The following CCR3 variants were observed in gnomAD, a reference collection of about 807,000 sequenced individuals.
The protein encoded by CCR3 is C-C chemokine receptor type 3.
For synonymous variants in CCR3, 203 were observed against 179.2 expected (o/e 1.13, Z -1.06); for missense variants, 419 against 437.5 (o/e 0.96, Z 0.38).
intron 1 of CCR3, among the ~76,000 whole-genome samples, chr3:46,242,788 A>G (rs1700106752): frequency 6.6e-6 from 1 of 151,376 alleles, no homozygotes; most frequent in African/African-American, 2.4e-5. Context: ...CACTCACCCA[A>G]ACTTGGCCCT....
At chr3:46,244,377 C>T (rs993046657) in intron 1 of CCR3, among the ~76,000 whole-genome samples, 1 of 152,110 alleles carries the variant, frequency 6.6e-6, no homozygotes, top group Admixed American at 6.5e-5. Context: ...ATCTTTCATG[C>T]GCGTCCGTGT....
intron 2 of CCR3, among the ~76,000 whole-genome samples, chr3:46,219,808 T>A (rs1699814513): frequency 6.6e-6 from 1 of 152,158 alleles, no homozygotes; most frequent in African/African-American, 2.4e-5. Context: ...TGAAACTGAA[T>A]CCTCATCTCT....
intron 2 of CCR3, chr3:46,211,021 C>T (rs1351869451): frequency 6.6e-6 from 1 of 152,072 alleles, no homozygotes; most frequent in Non-Finnish European, 1.5e-5. Context: ...AGGGTGCAGC[C>T]TGGGCATTGG....
At chr3:46,225,200 G>C (rs1229246733) in intron 2 of CCR3, among the ~76,000 whole-genome samples, 1 of 152,160 alleles carries the variant, frequency 6.6e-6, no homozygotes, top group African/African-American at 2.4e-5. Context: ...AAATAGACAT[G>C]ACCTCTATGG....
intron 2 of CCR3, among the ~76,000 whole-genome samples, chr3:46,222,194 AC>A (rs756593432): frequency 1.3e-5 from 2 of 152,008 alleles, no homozygotes; most frequent in African/African-American, 2.4e-5. Flanking sequence ...ATGCCACACC[AC>A]CAATCCATAT....
intron 2 of CCR3, among the ~76,000 whole-genome samples, chr3:46,237,361 C>T (rs1700035977): frequency 6.6e-6 from 1 of 152,148 alleles, no homozygotes; most frequent in Non-Finnish European, 1.5e-5. Context: ...GAATGGTTTG[C>T]ATAGATTTCT....
At chr3:46,236,798 C>T (rs1274575207) in intron 2 of CCR3, among the ~76,000 whole-genome samples, 3 of 152,170 alleles carry the variant, frequency 2.0e-5, no homozygotes, top group African/African-American at 7.2e-5. Flanking sequence ...GAGTCTGTAC[C>T]TTATCTAAGA....
At chr3:46,232,877 G>T (rs1245415468) in intron 2 of CCR3, among the ~76,000 whole-genome samples, 1 of 152,230 alleles carries the variant, frequency 6.6e-6, no homozygotes, top group Non-Finnish European at 1.5e-5. Context: ...CTGTTGCCCA[G>T]GCTGGAGTGC....
At chr3:46,228,993 T>C (rs1699933088) in intron 2 of CCR3, among the ~76,000 whole-genome samples, 2 of 152,254 alleles carry the variant, frequency 1.3e-5, no homozygotes, top group African/African-American at 4.8e-5. Context: ...TTCCTCTTTC[T>C]AGCTTTTCCT....
intron 2 of CCR3, among the ~76,000 whole-genome samples, chr3:46,230,977 T>C (rs1178005181): frequency 5.9e-5 from 9 of 152,210 alleles, no homozygotes; most frequent in Admixed American, 1.3e-4. Context: ...CAGGCTGGAG[T>C]GCAGTGGCGC....
intron 2 of CCR3, among the ~76,000 whole-genome samples, chr3:46,235,424 T>C (rs1403857715): frequency 1.3e-5 from 2 of 152,228 alleles, no homozygotes; most frequent in Non-Finnish European, 2.9e-5. Context: ...GCACTTCTCA[T>C]AGGCTAGCTC....
intron 2 of CCR3, among the ~76,000 whole-genome samples, chr3:46,215,773 G>A (rs754358134): frequency 5.9e-5 from 9 of 152,232 alleles, no homozygotes; most frequent in Non-Finnish European, 1.2e-4. Flanking sequence ...GAGGGCTGGA[G>A]ATGAATGAAT....
chr3:46,243,002 T>TATACACATATATATATATATATATATAC lies in CCR3; in HGVS notation c.-12+465_-12+466insTACACATATATATATATATATATATACA, dbSNP rs56773457. 1.3e-3 allele frequency among the ~76,000 whole-genome samples: 163 copies of TATACACATATATATATATATATATATAC among 123,726 alleles called. 6 individuals carry two copies. Among genetic ancestry groups the TATACACATATATATATATATATATATAC allele is most frequent in the East Asian group, 6.5e-3 (25 of 3,842 alleles). The allele number at this position is 123,726 out of a possible 152,430, so 81.2% of individuals were successfully genotyped here. A position where few individuals can be genotyped will look rare whatever the true frequency, so the allele number is the denominator to read the frequency against. ...ATACACATATATATATATATATATA[T>TATACACATATATATATATATATATATAC]ACGCACACACACATACATTTTTATA... is the stretch of plus-strand genomic sequence containing the variant. On this transcript the variant is annotated intron_variant, in intron 1 of 1. Coordinates refer to ENST00000395940, the MANE Select transcript of CCR3 (RefSeq NM_178329.3).
At chr3:46,213,241 C>T (rs1699738262) in intron 2 of CCR3, among the ~76,000 whole-genome samples, 1 of 152,296 alleles carries the variant, frequency 6.6e-6, no homozygotes, top group South Asian at 2.1e-4. Context: ...CTCTCACTCC[C>T]ACATCTAGGG....
At chr3:46,235,307 A>T (rs1171705584) in intron 2 of CCR3, among the ~76,000 whole-genome samples, 1 of 152,302 alleles carries the variant, frequency 6.6e-6, no homozygotes, top group East Asian at 1.9e-4. Flanking sequence ...TAAGTAGGCA[A>T]TAAATGCCAC....
chr3:46,253,404 T>A (rs2125931784), intron 1 of CCR3, among the ~76,000 whole-genome samples: 1 of 152,202 alleles, frequency 6.6e-6, no homozygotes, highest in African/African-American at 2.4e-5. Context: ...TCATACTCTC[T>A]CCCCTCCCCA....
At chr3:46,228,366 C>T (rs1291239976) in intron 2 of CCR3, among the ~76,000 whole-genome samples, 1 of 152,156 alleles carries the variant, frequency 6.6e-6, no homozygotes, top group Non-Finnish European at 1.5e-5. Context: ...CTGAGTCACC[C>T]TTCTGTGAAT....
At chr3:46,220,833 G>A (rs976836299) in intron 2 of CCR3, among the ~76,000 whole-genome samples, 10 of 152,218 alleles carry the variant, frequency 6.6e-5, no homozygotes, top group Non-Finnish European at 4.4e-5. Flanking sequence ...ATGACATAAT[G>A]GACTCTGGAG....
chr3:46,255,061 A>T (rs373034022), intron 1 of CCR3, among the ~76,000 whole-genome samples: 33 of 150,772 alleles, frequency 2.2e-4, no homozygotes, highest in African/African-American at 7.8e-4. Context: ...GCCAACATCT[A>T]TTTTTTTTTT....
Sources: gnomAD v4.1 joint callset for allele counts (sites outside exome capture counted in the v4.1 genomes callset) on GRCh38, gnomAD v4.1.1 for gene constraint, MANE v1.5 for transcripts, NCBI Gene and HGNC (gene_info 2026-07-23, HGNC 2026-07-21) for gene names.